The following NLRP5 variants were observed in gnomAD, a reference collection of about 807,000 sequenced individuals.
NLRP5 encodes the protein NLR family pyrin domain containing 5.
A neutral mutation model predicts 113.1 loss-of-function variants in NLRP5; 93 were observed. The ratio of observed to expected loss-of-function variants is 0.82; its 90% CI spans 0.70 to 0.98. The LOEUF is 0.98. Among genes scored for constraint, NLRP5 ranks in the 50% least tolerant of loss-of-function variants. The pLI is 0.00. For missense variants in NLRP5, 1,808 were observed against 1,514.3 expected, an observed-to-expected ratio of 1.19 and a Z score of -3.22; for synonymous variants, 751 against 600.7, an observed-to-expected ratio of 1.25 and a Z score of -3.66.
intron 11 of NLRP5, among the ~76,000 whole-genome samples, chr19:56,048,687 A>G (rs919314226): frequency 1.2e-4 from 18 of 152,090 alleles, no homozygotes; most frequent in African/African-American, 2.4e-4. Context: ...GCTGATGACA[A>G]TGTGCCTAGG....
rs779222146 is a variant in NLRP5 at position 56,058,333 on chromosome 19, G to GA, written c.3395dup (p.Asn1132LysfsTer2). Reference sequence around the variant, plus strand: ...ATCTGACCAGTCTAAACCTGGTGCAGAATAACTTCAGTCCCAAAGGAATGA... The same window carrying GA: ...ATCTGACCAGTCTAAACCTGGTGCAGAAATAACTTCAGTCCCAAAGGAATGA... On this transcript the variant is annotated frameshift_variant, in exon 14 of 15. Transcript: ENST00000390649. LOFTEE classifies it high-confidence loss of function. 1.2e-6 allele frequency: 2 copies of GA among 1,614,026 alleles called. No homozygotes were observed. Among genetic ancestry groups the GA allele is most frequent in the Non-Finnish European group, 1.7e-6 (2 of 1,179,884 alleles).
intron 11 of NLRP5, among the ~76,000 whole-genome samples, chr19:56,041,349 A>G (rs576451743): frequency 1.3e-5 from 2 of 152,260 alleles, no homozygotes; most frequent in South Asian, 4.1e-4. Flanking sequence ...ATCATGTTCT[A>G]CAAAGTCACT....
chr19:56,031,789 T>C (rs909991754), intron 7 of NLRP5, among the ~76,000 whole-genome samples: 9 of 152,160 alleles, frequency 5.9e-5, no homozygotes, highest in Admixed American at 5.2e-4. Context: ...CATTAACATA[T>C]GTATCACATG....
At chr19:56,018,020 T>G (rs186779398) in intron 4 of NLRP5, among the ~76,000 whole-genome samples, 1 of 152,350 alleles carries the variant, frequency 6.6e-6, no homozygotes, top group East Asian at 1.9e-4. Flanking sequence ...ACCCGTAATA[T>G]ATGACCCATT....
Position 56,061,517 on chromosome 19 carries a change from T to A in NLRP5, c.3592T>A (p.Trp1198Arg). Reference sequence around the variant, plus strand: ...TTTTGATGAAGATGACCGGTACTGGTGGAAAAACTGAAGATACGGAAACCT... The same window carrying A: ...TTTTGATGAAGATGACCGGTACTGGAGGAAAAACTGAAGATACGGAAACCT... The change falls in exon 15 of 15, where the codon TGG becomes AGG. Residue 1198 changes from tryptophan to arginine, a missense_variant. Trp to Arg is a moderately radical substitution (Grantham distance 101). Transcript: ENST00000390649. 1.2e-6 allele frequency: 2 copies of A among 1,613,934 alleles called. No homozygotes were observed. The highest frequency in any genetic ancestry group is 1.7e-6 in the Non-Finnish European group (2 of 1,179,858).
At chr19:56,052,360 C>T (rs1455006048) in intron 12 of NLRP5, among the ~76,000 whole-genome samples, 1 of 152,128 alleles carries the variant, frequency 6.6e-6, no homozygotes, top group African/African-American at 2.4e-5. Context: ...CCTCCACCTC[C>T]TGGGTTCAAG....
the NLRP5 span, among the ~76,000 whole-genome samples, chr19:55,991,783 T>C: frequency 6.6e-5 from 10 of 152,182 alleles, no homozygotes; most frequent in Non-Finnish European, 2.9e-5. Flanking sequence ...AAATATAAAT[T>C]AGGTAAATAT....
intron 7 of NLRP5, among the ~76,000 whole-genome samples, chr19:56,029,450 G>C (rs1156813299): frequency 6.6e-6 from 1 of 151,478 alleles, no homozygotes; most frequent in East Asian, 2.0e-4. Context: ...ATTTTTAGTA[G>C]AGACAGGGTT....
intron 7 of NLRP5, among the ~76,000 whole-genome samples, chr19:56,030,507 C>A (rs565934618): frequency 3.3e-5 from 5 of 152,174 alleles, no homozygotes; most frequent in African/African-American, 1.2e-4. Flanking sequence ...CATGTCAGTG[C>A]AGAAAGAAAG....
the NLRP5 span, among the ~76,000 whole-genome samples, chr19:55,990,081 T>TTTTTC: frequency 1.3e-4 from 2 of 15,472 alleles, no homozygotes; most frequent in Non-Finnish European, 2.3e-4. Flanking sequence ...TCTTTTTTCT[T>TTTTTC]TTTTTTTTTT....
Position 56,053,637 on chromosome 19 carries a change from G to C in NLRP5, c.3129-1G>C, listed in dbSNP as rs753497920. 1 of 1,612,486 alleles carries C rather than the reference G, an allele frequency of 6.2e-7. No individual in the cohort carries two copies. The highest frequency in any genetic ancestry group is 1.1e-5 in the South Asian group (1 of 90,920). On this transcript the variant is annotated splice_acceptor_variant, in intron 12 of 14. Transcript: ENST00000390649. LOFTEE classifies it high-confidence loss of function. ...CTCTCTCTATTCCCCGCCTCTTGCA[G>C]GTTGGTAAAGTGTCATCTCACCGCC...
Position 56,026,968 on chromosome 19 carries a change from G to A in NLRP5, c.735G>A (p.Glu245=), listed in dbSNP as rs1982878003. The change falls in exon 7 of 15, where the codon GAG becomes GAA. Residue 245 remains glutamate (E), a synonymous_variant. Transcript: ENST00000390649. ...GTCACGTGATGACCAAATTCGCTGA[G>A]GAGGAGGATGTACGTCGTAGTTTTG... The A allele has an allele frequency of 6.4e-7, 1 of 1,551,766 alleles. No homozygotes were observed. Among genetic ancestry groups the A allele is most frequent in the Non-Finnish European group, 8.7e-7 (1 of 1,146,996 alleles).
In NLRP5 at chr19:56,019,827, C is replaced by T. The variant is rs180868196; in HGVS notation, c.622+429C>T. Among the ~76,000 whole-genome samples, 5 of 147,986 alleles carry T rather than the reference C, an allele frequency of 3.4e-5. No homozygotes were observed. In the East Asian group the frequency reaches 9.7e-4, roughly 29 times the overall value. ...AATTACAGTGGTAAGAAAAACATGTCTTGCCTTCATGGCATTTTTTTTTTT... is the reference window on the plus strand; with the variant it reads ...AATTACAGTGGTAAGAAAAACATGTTTTGCCTTCATGGCATTTTTTTTTTT... On this transcript the variant is annotated intron_variant, in intron 5 of 14. Coordinates refer to ENST00000390649, the MANE Select transcript of NLRP5 (RefSeq NM_153447.4).
chr19:56,026,875 C>T (rs1982873746), intron 6 of NLRP5, 38 bp from the exon 7 acceptor site: 1 of 1,530,678 alleles, frequency 6.5e-7, no homozygotes, highest in Non-Finnish European at 8.8e-7. Context: ...TGTGCCTGGT[C>T]TGTTTCCTGA....
chr19:56,002,303 A>G (rs1424244008), intron 1 of NLRP5, among the ~76,000 whole-genome samples: 1 of 152,174 alleles, frequency 6.6e-6, no homozygotes, highest in Admixed American at 6.5e-5. Flanking sequence ...CCCTTATCAG[A>G]TATGACTTTT....
At chr19:55,991,938 GGTTT>G in the NLRP5 span, among the ~76,000 whole-genome samples, 48,223 of 151,660 alleles carry the variant, frequency 0.32, 8,210 homozygotes, top group East Asian at 0.54. Context: ...GTGTCATGGG[GGTTT>G]GTTATACATA....
rs1555767859 is a variant in NLRP5, at chr19:56,030,714, C to CTTCTTT, written c.2277-1895_2277-1894insCTTTTT. On this transcript the variant is annotated intron_variant, in intron 7 of 14. Coordinates refer to ENST00000390649, the MANE Select transcript of NLRP5 (RefSeq NM_153447.4). ...ACTTACATTCATTCGCTTTCTTCTT[C>CTTCTTT]TTTTTTTTTTTTTTTTTTGAGACGG... 3.1e-4 allele frequency among the ~76,000 whole-genome samples: 22 copies of CTTCTTT among 71,356 alleles called. 1 individual carries two copies. The highest frequency in any genetic ancestry group is 4.1e-4 in the Non-Finnish European group (18 of 43,892). 46.8% of individuals were successfully genotyped at this position (71,356 alleles called of 152,430 possible). A position where few individuals can be genotyped will look rare whatever the true frequency, so the allele number is the denominator to read the frequency against.
Position 56,038,006 on chromosome 19 carries a change from A to C in NLRP5, c.2616-19A>C, listed in dbSNP as rs374129455. ...TTTGGACAAGAGCTGGGATTGCTTC[A>C]TGCTGCCTGTCTCTGCAGGCTGGAT... On this transcript the variant is annotated intron_variant, in intron 9 of 14. Transcript: ENST00000390649. 38 of 1,613,374 alleles carry C rather than the reference A, an allele frequency of 2.4e-5. No homozygotes were observed. In the African/African-American group the frequency reaches 4.5e-4, roughly 19 times the overall value.
At chr19:55,988,303 G>A in the NLRP5 span, 1 of 161,270 alleles carries the variant, frequency 6.2e-6, no homozygotes, top group Non-Finnish European at 1.4e-5. Context: ...GCTGAGGCAG[G>A]AGAATCACTT....
Sources: gnomAD v4.1 joint callset for allele counts (sites outside exome capture counted in the v4.1 genomes callset) on GRCh38, gnomAD v4.1.1 for gene constraint, MANE v1.5 for transcripts, NCBI Gene and HGNC (gene_info 2026-07-23, HGNC 2026-07-21) for gene names.